The following KIAA1549L variants were observed in gnomAD, a reference collection of about 807,000 sequenced individuals.
KIAA1549L encodes KIAA1549 like, also known as UPF0606 protein KIAA1549L.
A neutral mutation model predicts 160.7 loss-of-function variants in KIAA1549L; 88 were observed. The ratio of observed to expected loss-of-function variants is 0.55; its 90% CI spans 0.46 to 0.65. KIAA1549L has a LOEUF of 0.65. Ranked by LOEUF, KIAA1549L falls within the 30% of genes least tolerant of loss-of-function variation. KIAA1549L has a pLI of 0.00. For synonymous variants in KIAA1549L, 950 were observed against 976.7 expected, an observed-to-expected ratio of 0.97 and a Z score of 0.51; for missense variants, 2,258 against 2,437.5, an observed-to-expected ratio of 0.93 and a Z score of 1.55.
intron 18 of KIAA1549L, among the ~76,000 whole-genome samples, chr11:33,657,206 A>G (rs1270620691): frequency 6.6e-6 from 1 of 152,052 alleles, no homozygotes; most frequent in Admixed American, 6.5e-5. Flanking sequence ...CAGCCTCCAC[A>G]TTGGACCTTC....
chr11:33,419,901 CATACATATAT>C (rs76068945), intron 1 of KIAA1549L, among the ~76,000 whole-genome samples: 54,606 of 129,576 alleles, frequency 0.42, 11,827 homozygotes, highest in Non-Finnish European at 0.49. Context: ...TACATACATA[CATACATATAT>C]ATATATGAAT....
chr11:33,446,891 G>T (rs138336022), intron 1 of KIAA1549L, among the ~76,000 whole-genome samples: 1 of 152,268 alleles, frequency 6.6e-6, no homozygotes, highest in East Asian at 1.9e-4. Flanking sequence ...CATCACTTCT[G>T]CTATATTTCA....
chr11:33,544,476 TTAG>T (rs1453626929), intron 2 of KIAA1549L, 140 bp downstream of exon 2: 1 of 924,066 alleles, frequency 1.1e-6, no homozygotes, highest in Non-Finnish European at 1.6e-6. Context: ...CAGGAATGAG[TTAG>T]TAGCCCCAAG....
intron 1 of KIAA1549L, among the ~76,000 whole-genome samples, chr11:33,398,439 G>T (rs568480238): frequency 2.0e-5 from 3 of 152,292 alleles, no homozygotes; most frequent in Admixed American, 2.0e-4. Context: ...GTGATCAGTG[G>T]ATCTATCCCA....
intron 1 of KIAA1549L, among the ~76,000 whole-genome samples, chr11:33,465,250 C>T (rs1230043176): frequency 6.6e-6 from 1 of 151,850 alleles, no homozygotes; most frequent in Non-Finnish European, 1.5e-5. Flanking sequence ...AGACGGGGTT[C>T]ACCATGTTAG....
In KIAA1549L at chr11:33,545,197, A is replaced by G. The variant is rs755795782; in HGVS notation, c.3204A>G (p.Pro1068=). 13 of 1,613,864 alleles carry G rather than the reference A, an allele frequency of 8.1e-6. No homozygotes were observed. In the East Asian group the frequency reaches 2.9e-4, roughly 36 times the overall value. Residue 1068 remains proline, a synonymous_variant, in exon 3 of 21, where the codon CCA becomes CCG. Coordinates refer to ENST00000658780, the MANE Select transcript of KIAA1549L (RefSeq NM_012194.3). The part of the protein sequence containing the change: ...LEMPRASTPR[P]LTVTAALTSI... Reference sequence around the variant, plus strand: ...TGCCCAGAGCATCCACGCCACGCCCACTGACAGTCACGGCCGCGCTGACAT... The same window carrying G: ...TGCCCAGAGCATCCACGCCACGCCCGCTGACAGTCACGGCCGCGCTGACAT...
intron 15 of KIAA1549L, among the ~76,000 whole-genome samples, chr11:33,613,617 A>G (rs1449465421): frequency 6.6e-6 from 1 of 152,142 alleles, no homozygotes; most frequent in Non-Finnish European, 1.5e-5. Flanking sequence ...TCACAGGGAC[A>G]GCACCAACCC....
At chr11:33,473,990 T>C (rs1426253499) in intron 1 of KIAA1549L, among the ~76,000 whole-genome samples, 1 of 152,200 alleles carries the variant, frequency 6.6e-6, no homozygotes, top group African/African-American at 2.4e-5. Flanking sequence ...AGAAGCCTTC[T>C]ATCATGGAGG....
intron 1 of KIAA1549L, among the ~76,000 whole-genome samples, chr11:33,463,888 C>T (rs1851990876): frequency 6.6e-6 from 1 of 152,206 alleles, no homozygotes; most frequent in Non-Finnish European, 1.5e-5. Flanking sequence ...GTTCTAGAAT[C>T]TCTGTTTCCA....
intron 13 of KIAA1549L, among the ~76,000 whole-genome samples, chr11:33,604,975 A>T (rs1363605926): frequency 6.6e-6 from 1 of 152,210 alleles, no homozygotes; most frequent in Non-Finnish European, 1.5e-5. Context: ...AAATGAAAAT[A>T]AAAAATAAAG....
intron 15 of KIAA1549L, among the ~76,000 whole-genome samples, chr11:33,612,516 C>A (rs1850673800): frequency 2.0e-5 from 3 of 152,194 alleles, no homozygotes; most frequent in African/African-American, 7.2e-5. Flanking sequence ...CTTGGCCTTC[C>A]AGAGTGCTGG....
Position 33,654,090 on chromosome 11 carries a change from A to T in KIAA1549L, c.5761-1922A>T, listed in dbSNP as rs12293847. On this transcript the variant is annotated intron_variant, in intron 17 of 20. Transcript: ENST00000658780. ...TGGATTCAAGCAATTCTCCTGCCTC[A>T]GCCTCCCGAGTAGCTGGGATTACAG... Among the ~76,000 whole-genome samples, 730 of 152,210 alleles carry T rather than the reference A, an allele frequency of 4.8e-3. 9 individuals are homozygous for T. The highest frequency in any genetic ancestry group is 9.2e-3 in the African/African-American group (380 of 41,520).
chr11:33,566,211 C>T (rs920392541), intron 8 of KIAA1549L, among the ~76,000 whole-genome samples: 3 of 152,120 alleles, frequency 2.0e-5, no homozygotes, highest in Non-Finnish European at 2.9e-5. Context: ...GAAGCATCAC[C>T]GAGATTCCCA....
intron 1 of KIAA1549L, among the ~76,000 whole-genome samples, chr11:33,540,155 G>T (rs2615928): frequency 0.69 from 104,204 of 151,908 alleles, 36,485 homozygotes; most frequent in African/African-American, 0.84. Flanking sequence ...CAGAATTTTT[G>T]TGTGTGTGTG....
intron 1 of KIAA1549L, among the ~76,000 whole-genome samples, chr11:33,489,638 G>C (rs1475922034): frequency 1.3e-5 from 2 of 152,136 alleles, no homozygotes; most frequent in Non-Finnish European, 2.9e-5. Flanking sequence ...GTTTCCAAAG[G>C]CACCCTGGAC....
At chr11:33,495,085 T>A (rs1440980625) in intron 1 of KIAA1549L, among the ~76,000 whole-genome samples, 3 of 151,874 alleles carry the variant, frequency 2.0e-5, no homozygotes, top group Non-Finnish European at 4.4e-5. Flanking sequence ...TTTGCTACTT[T>A]ATTATTATTA....
intron 7 of KIAA1549L, among the ~76,000 whole-genome samples, chr11:33,561,232 T>A (rs1258134060): frequency 1.3e-5 from 2 of 152,208 alleles, no homozygotes; most frequent in Non-Finnish European, 2.9e-5. Context: ...AAAGACAGGT[T>A]CCTGCTGTGG....
At chr11:33,436,028 T>A (rs1169205545) in intron 1 of KIAA1549L, among the ~76,000 whole-genome samples, 1 of 149,950 alleles carries the variant, frequency 6.7e-6, no homozygotes, top group African/African-American at 2.5e-5. Context: ...AACAACTATT[T>A]ACATAGTATT....
rs769193782 is a variant in KIAA1549L at position 33,614,568 on chromosome 11, A to T, written c.5280-3965A>T. 4.1e-4 allele frequency among the ~76,000 whole-genome samples: 6 copies of T among 14,646 alleles called. 1 individual carries two copies. Among genetic ancestry groups the T allele is most frequent in the East Asian group, 3.2e-3 (2 of 630 alleles). 9.6% of individuals were successfully genotyped at this position (14,646 alleles called of 152,430 possible). ...TATATATATATATATATATATATAT[A>T]TATATATATATATATATTTTTTTTT... is the stretch of plus-strand genomic sequence containing the variant. On this transcript the variant is annotated intron_variant, in intron 15 of 20. Coordinates refer to ENST00000658780, the MANE Select transcript of KIAA1549L (RefSeq NM_012194.3).
Sources: allele counts gnomAD v4.1 joint callset (sites outside exome capture counted in the v4.1 genomes callset), GRCh38; gene constraint gnomAD v4.1.1; transcripts MANE v1.5; gene names NCBI Gene and HGNC (gene_info 2026-07-23, HGNC 2026-07-21).